Variants in ROBO2 observed in about 807,000 individuals in gnomAD.
ROBO2 encodes roundabout homolog 2.
Under a neutral mutation model 160.8 loss-of-function variants are expected in ROBO2, and 53 were observed. The observed-to-expected ratio is 0.33, with a 90% CI of 0.26 to 0.41. The LOEUF is 0.41. Ranked by LOEUF, ROBO2 falls within the 10% of genes least tolerant of loss-of-function variation. The pLI, the probability that ROBO2 is intolerant of heterozygous loss-of-function variation, is 1.00. For missense variants in ROBO2, 1,577 were observed against 1,722.4 expected (o/e 0.92, Z 1.49); for synonymous variants, 664 against 611.7 (o/e 1.09, Z -1.26).
chr3:76,024,176 C>G (rs1410597336), intron 2 of ROBO2, among the ~76,000 whole-genome samples: 3 of 151,268 alleles, frequency 2.0e-5, no homozygotes, highest in Non-Finnish European at 4.4e-5. Flanking sequence ...TTAGAAGTAG[C>G]ACTTATAACA....
chr3:77,109,762 G>C (rs958765656), intron 2 of ROBO2, among the ~76,000 whole-genome samples: 14 of 152,178 alleles, frequency 9.2e-5, no homozygotes, highest in African/African-American at 3.4e-4. Flanking sequence ...GCTGGGATTT[G>C]AACGCTGGCA....
chr3:76,763,133 C>T (rs2061395256), intron 2 of ROBO2, among the ~76,000 whole-genome samples: 1 of 151,412 alleles, frequency 6.6e-6, no homozygotes, highest in Non-Finnish European at 1.5e-5. Context: ...ATTGAAAATA[C>T]TATCTTTAAT....
intron 2 of ROBO2, among the ~76,000 whole-genome samples, chr3:77,019,354 A>G (rs2062482153): frequency 6.6e-6 from 1 of 152,134 alleles, no homozygotes; most frequent in Admixed American, 6.6e-5. Context: ...CATTAATCCC[A>G]TCCATAAGGC....
intron 2 of ROBO2, among the ~76,000 whole-genome samples, chr3:76,289,339 G>T (rs1708688431): frequency 6.6e-6 from 1 of 152,054 alleles, no homozygotes; most frequent in African/African-American, 2.4e-5. Flanking sequence ...TTTTTAATGG[G>T]CTTGATTGTT....
chr3:76,600,259 T>C (rs2087036120), intron 2 of ROBO2, among the ~76,000 whole-genome samples: 2 of 152,216 alleles, frequency 1.3e-5, no homozygotes, highest in South Asian at 4.1e-4. Context: ...ATCTTCTGCA[T>C]ATGGCTAGCC....
At position 76,869,340 on chromosome 3, in the gene ROBO2, A is replaced by ATCTTT. The variant is rs1178461363; in HGVS notation, c.110-228673_110-228672insCTTTT. ...TATTTTATGTGCCTAGTAGAAATTG[A>ATCTTT]TGTTTTTTTTTTTTTTTTTTTTTTT... On this transcript the variant is annotated intron_variant, in intron 2 of 26. Coordinates refer to the ROBO2 transcript ENST00000487694. 5.2e-4 allele frequency among the ~76,000 whole-genome samples: 56 copies of ATCTTT among 108,130 alleles called. 1 individual carries two copies. Among genetic ancestry groups the ATCTTT allele is most frequent in the African/African-American group, 1.7e-3 (49 of 28,010 alleles). The allele number at this position is 108,130 out of a possible 152,430, so 70.9% of individuals were successfully genotyped here. A position where few individuals can be genotyped will look rare whatever the true frequency, so the allele number is the denominator to read the frequency against.
rs562069659 is a variant in ROBO2 at position 76,298,848 on chromosome 3, C to A, written c.109+361246C>A. On this transcript the variant is annotated intron_variant, in intron 2 of 26. Coordinates refer to the ROBO2 transcript ENST00000487694. ...ATTTTATTGTTGCTGTCCTTGTTTT[C>A]AATCAAGATCAATGGTTAATGTGTC... 9.2e-5 allele frequency among the ~76,000 whole-genome samples: 14 copies of A among 152,276 alleles called. No individual in the cohort carries two copies. The South Asian group carries it at 2.7e-3, about 29-fold the overall frequency.
intron 2 of ROBO2, among the ~76,000 whole-genome samples, chr3:76,167,200 T>G (rs1410772380): frequency 6.6e-6 from 1 of 152,092 alleles, no homozygotes; most frequent in Non-Finnish European, 1.5e-5. Flanking sequence ...CTCAGCCATC[T>G]AAAGTGCTGG....
chr3:77,642,913 A>G (rs757124124), intron 24 of ROBO2: 1 of 456,598 alleles, frequency 2.2e-6, no homozygotes, highest in South Asian at 1.5e-5. Flanking sequence ...AGATATACGG[A>G]AAGCCCCACA....
intron 2 of ROBO2, among the ~76,000 whole-genome samples, chr3:76,971,282 C>T (rs1199170062): frequency 6.6e-6 from 1 of 152,078 alleles, no homozygotes; most frequent in Non-Finnish European, 1.5e-5. Flanking sequence ...TGTGTCACTT[C>T]CATTAATACA....
At chr3:77,629,931 G>A (rs562473769) in intron 23 of ROBO2, 3 of 152,160 alleles carry the variant, frequency 2.0e-5, no homozygotes, top group African/African-American at 7.2e-5. Context: ...GAATTCCATT[G>A]TCTAGGAGAG....
intron 2 of ROBO2, among the ~76,000 whole-genome samples, chr3:76,873,712 C>G (rs904049368): frequency 5.3e-5 from 8 of 152,190 alleles, no homozygotes; most frequent in Non-Finnish European, 8.8e-5. Context: ...ATTGCAGGCA[C>G]TCTCTAACCT....
intron 2 of ROBO2, among the ~76,000 whole-genome samples, chr3:76,621,925 G>C (rs985864606): frequency 1.3e-5 from 2 of 151,982 alleles, no homozygotes; most frequent in Non-Finnish European, 2.9e-5. Flanking sequence ...TGACACCATT[G>C]TAAGCCGTGT....
At chr3:76,669,345 A>C (rs1431743417) in intron 2 of ROBO2, among the ~76,000 whole-genome samples, 1 of 152,180 alleles carries the variant, frequency 6.6e-6, no homozygotes, top group Non-Finnish European at 1.5e-5. Flanking sequence ...AAAAAGGCAA[A>C]AACTTAACAT....
intron 2 of ROBO2, among the ~76,000 whole-genome samples, chr3:76,622,640 T>G (rs73118405): frequency 0.03 from 4,569 of 152,212 alleles, 80 homozygotes; most frequent in Middle Eastern, 0.068. Context: ...CCCCATCATT[T>G]CCTTAATGCC....
At chr3:77,452,529 C>A (rs770241229) in intron 2 of ROBO2, among the ~76,000 whole-genome samples, 11 of 152,084 alleles carry the variant, frequency 7.2e-5, no homozygotes, top group Non-Finnish European at 1.6e-4. Flanking sequence ...GAAGTGGACA[C>A]CAATTATACA....
rs148790972 is a variant in ROBO2, at chr3:76,200,818, G to A, written c.109+263216G>A. Among the ~76,000 whole-genome samples the A allele has an allele frequency of 4.1e-3, 620 of 152,190 alleles. 3 individuals are homozygous for A. Among genetic ancestry groups the A allele is most frequent in the Non-Finnish European group, 6.8e-3 (464 of 68,000 alleles). On this transcript the variant is annotated intron_variant, in intron 2 of 26. Coordinates refer to the ROBO2 transcript ENST00000487694. Reference sequence around the variant, plus strand: ...CACATTGTTGCCTAGCCATGAGTGGGGCCACTTAGTGCTGGTGAACAGTGG... The same window carrying A: ...CACATTGTTGCCTAGCCATGAGTGGAGCCACTTAGTGCTGGTGAACAGTGG...
At chr3:77,278,236 G>A (rs1333844763) in intron 2 of ROBO2, among the ~76,000 whole-genome samples, 1 of 152,126 alleles carries the variant, frequency 6.6e-6, no homozygotes, top group Admixed American at 6.6e-5. Flanking sequence ...AAAGGATTAA[G>A]GTTGTTTGCC....
chr3:76,964,850 T>G (rs917859917), intron 2 of ROBO2, among the ~76,000 whole-genome samples: 2 of 152,222 alleles, frequency 1.3e-5, no homozygotes, highest in Non-Finnish European at 2.9e-5. Context: ...CCAAACTTAC[T>G]ACTTTTAGTA....
Sources: gnomAD v4.1 joint callset for allele counts (sites outside exome capture counted in the v4.1 genomes callset) on GRCh38, gnomAD v4.1.1 for gene constraint, MANE v1.5 for transcripts, NCBI Gene and HGNC (gene_info 2026-07-23, HGNC 2026-07-21) for gene names.